ADAMTSL3: variants seen among roughly 807,000 people sequenced by gnomAD.
ADAMTSL3 encodes the protein ADAMTS like 3, also known as ADAMTS-like protein 3.
In ADAMTSL3, 128 loss-of-function variants were observed where a neutral mutation model predicts 201.7. That is an observed-to-expected ratio of 0.63 (90% confidence interval 0.55 to 0.73). ADAMTSL3 has a LOEUF of 0.73. Ranked by LOEUF, ADAMTSL3 falls within the 30% of genes least tolerant of loss-of-function variation. ADAMTSL3 has a pLI of 0.00. For missense variants in ADAMTSL3, 1,990 were observed against 2,119.6 expected (o/e 0.94, Z 1.20); for synonymous variants, 738 against 748.4 (o/e 0.99, Z 0.23).
intron 4 of ADAMTSL3, among the ~76,000 whole-genome samples, chr15:83,797,760 A>G (rs2063452067): frequency 6.6e-6 from 1 of 152,212 alleles, no homozygotes; most frequent in South Asian, 2.1e-4. Context: ...GTTAGAGAGC[A>G]ATTTGTCAAT....
intron 2 of ADAMTSL3, among the ~76,000 whole-genome samples, chr15:83,674,834 C>T (rs887735782): frequency 6.2e-5 from 9 of 144,946 alleles, no homozygotes; most frequent in Non-Finnish European, 1.2e-4. Context: ...ACCTATAGGT[C>T]GCTTTTGGGG....
At chr15:83,897,830 G>A (rs757378566) in intron 13 of ADAMTSL3, 28 bp from the exon 14 acceptor site, 12 of 1,556,988 alleles carry the variant, frequency 7.7e-6, no homozygotes, top group Non-Finnish European at 9.6e-6. Context: ...TAAAAGAAAT[G>A]CGTTGGCTTC....
intron 2 of ADAMTSL3, among the ~76,000 whole-genome samples, chr15:83,668,970 C>T (rs538877794): frequency 5.9e-5 from 9 of 152,276 alleles, no homozygotes; most frequent in Admixed American, 2.6e-4. Flanking sequence ...GCTAACATCC[C>T]ACTGGCCAAA....
chr15:84,024,116 C>T (rs1479214528), intron 26 of ADAMTSL3, among the ~76,000 whole-genome samples: 1 of 152,148 alleles, frequency 6.6e-6, no homozygotes, highest in East Asian at 1.9e-4. Flanking sequence ...ATCAGCCGGC[C>T]ATGGTGGCAG....
At chr15:83,715,117 A>G (rs1296378760) in intron 3 of ADAMTSL3, among the ~76,000 whole-genome samples, 1 of 152,038 alleles carries the variant, frequency 6.6e-6, no homozygotes, top group African/African-American at 2.4e-5. Context: ...TACTTATCCA[A>G]ACAACAAACC....
At chr15:83,817,937 A>C (rs998323934) in intron 5 of ADAMTSL3, among the ~76,000 whole-genome samples, 21 of 152,224 alleles carry the variant, frequency 1.4e-4, no homozygotes, top group African/African-American at 4.8e-4. Context: ...AATCCCAGCT[A>C]CTCGAGAGGC....
intron 13 of ADAMTSL3, among the ~76,000 whole-genome samples, chr15:83,893,526 T>C (rs1430803625): frequency 1.3e-5 from 2 of 152,350 alleles, no homozygotes; most frequent in African/African-American, 4.8e-5. Context: ...TGAAAGTGTG[T>C]GTCCTTGATC....
At chr15:83,718,258 A>C (rs1455045250) in intron 3 of ADAMTSL3, among the ~76,000 whole-genome samples, 1 of 152,136 alleles carries the variant, frequency 6.6e-6, no homozygotes, top group Non-Finnish European at 1.5e-5. Flanking sequence ...TTCCATGGCA[A>C]AATTACTTAT....
chr15:83,730,452 A>C (rs1344581343), intron 3 of ADAMTSL3, among the ~76,000 whole-genome samples: 1 of 152,100 alleles, frequency 6.6e-6, no homozygotes, highest in East Asian at 1.9e-4. Flanking sequence ...AAGCTAGAGG[A>C]TCCTCCTCGG....
At chr15:83,863,505 T>C (rs2064910374) in intron 8 of ADAMTSL3, among the ~76,000 whole-genome samples, 2 of 152,230 alleles carry the variant, frequency 1.3e-5, no homozygotes, top group Admixed American at 6.5e-5. Flanking sequence ...AACCTGCTCC[T>C]GAATGACTAC....
At chr15:83,939,068 T>C (rs886710590) in intron 17 of ADAMTSL3, among the ~76,000 whole-genome samples, 4 of 152,354 alleles carry the variant, frequency 2.6e-5, no homozygotes, top group Admixed American at 1.3e-4. Flanking sequence ...TATAGTTTGC[T>C]ATGTCGTAGA....
At chr15:83,884,883 A>G (rs2065355914) in intron 9 of ADAMTSL3, among the ~76,000 whole-genome samples, 1 of 152,140 alleles carries the variant, frequency 6.6e-6, no homozygotes, top group Non-Finnish European at 1.5e-5. Context: ...TGGAAAAATG[A>G]CTCCAGGGAG....
chr15:83,979,111 G>C (rs2067340181), intron 20 of ADAMTSL3, among the ~76,000 whole-genome samples: 1 of 152,260 alleles, frequency 6.6e-6, no homozygotes. Flanking sequence ...TCCCCAGCTT[G>C]AGCTGTTTAG....
At chr15:83,999,899 A>G (rs2067760156) in intron 23 of ADAMTSL3, among the ~76,000 whole-genome samples, 1 of 152,198 alleles carries the variant, frequency 6.6e-6, no homozygotes, top group South Asian at 2.1e-4. Flanking sequence ...GGATCTTGAG[A>G]AAATATTTGT....
At chr15:83,979,223 G>C (rs775361798) in intron 20 of ADAMTSL3, among the ~76,000 whole-genome samples, 13 of 152,142 alleles carry the variant, frequency 8.5e-5, no homozygotes, top group Non-Finnish European at 1.8e-4. Context: ...TGAAACAATC[G>C]ATCTCCACAT....
intron 3 of ADAMTSL3, among the ~76,000 whole-genome samples, chr15:83,760,573 A>G (rs920458215): frequency 7.2e-5 from 11 of 152,022 alleles, no homozygotes; most frequent in African/African-American, 2.2e-4. Context: ...TGATAAGTTA[A>G]TGATAGTTGT....
chr15:83,999,283 T>C (rs1384755532), intron 23 of ADAMTSL3, among the ~76,000 whole-genome samples: 2 of 152,258 alleles, frequency 1.3e-5, no homozygotes, highest in African/African-American at 2.4e-5. Flanking sequence ...AAACCATTTG[T>C]ACTTCTTTAC....
At chr15:83,835,662 A>G (rs2064254486) in intron 6 of ADAMTSL3, among the ~76,000 whole-genome samples, 1 of 152,240 alleles carries the variant, frequency 6.6e-6, no homozygotes, top group South Asian at 2.1e-4. Context: ...ATAATTTAAT[A>G]GTGGTATTAC....
intron 3 of ADAMTSL3, among the ~76,000 whole-genome samples, chr15:83,760,427 T>C (rs1176013668): frequency 6.6e-6 from 1 of 152,140 alleles, no homozygotes; most frequent in Non-Finnish European, 1.5e-5. Context: ...ATGATAAATG[T>C]TTATAAACAT....
Sources: allele counts gnomAD v4.1 joint callset (sites outside exome capture counted in the v4.1 genomes callset), GRCh38; gene constraint gnomAD v4.1.1; transcripts MANE v1.5; gene names NCBI Gene and HGNC (gene_info 2026-07-23, HGNC 2026-07-21).